The following CTNNA3 variants were observed in gnomAD, a reference collection of about 807,000 sequenced individuals.
CTNNA3 encodes the protein catenin alpha 3.
In CTNNA3, 76 loss-of-function variants were observed where a neutral mutation model predicts 95.7. The ratio of observed to expected loss-of-function variants is 0.79; its 90% CI spans 0.66 to 0.96. The LOEUF (loss-of-function observed/expected upper bound fraction) is 0.96. Among genes scored for constraint, CTNNA3 ranks in the 40% least tolerant of loss-of-function variants. The probability of loss-of-function intolerance (pLI) is 0.00; values close to 1 mark genes in which losing one functional copy is unlikely to be tolerated. For missense variants in CTNNA3, 1,191 were observed against 1,089.8 expected (o/e 1.09, Z -1.31); for synonymous variants, 431 against 374.4 (o/e 1.15, Z -1.74).
chr10:66,027,129 G>A (rs1426398938), intron 15 of CTNNA3, among the ~76,000 whole-genome samples: 1 of 152,026 alleles, frequency 6.6e-6, no homozygotes, highest in Non-Finnish European at 1.5e-5. Context: ...TGAAAAATCA[G>A]TTCTGAGTTT....
At chr10:66,221,092 C>G (rs1165962364) in intron 13 of CTNNA3, among the ~76,000 whole-genome samples, 1 of 152,122 alleles carries the variant, frequency 6.6e-6, no homozygotes, top group Non-Finnish European at 1.5e-5. Context: ...AAGTGTGTCT[C>G]CTATACTATT....
intron 13 of CTNNA3, among the ~76,000 whole-genome samples, chr10:66,272,038 T>A (rs1188445532): frequency 1.3e-5 from 2 of 152,118 alleles, no homozygotes; most frequent in Admixed American, 6.5e-5. Flanking sequence ...CGTTCCAAGG[T>A]TTCCCTACCT....
intron 13 of CTNNA3, among the ~76,000 whole-genome samples, chr10:66,243,941 T>C (rs921446623): frequency 6.6e-6 from 1 of 152,122 alleles, no homozygotes; most frequent in African/African-American, 2.4e-5. Context: ...GCACCAAGTG[T>C]GCTCTCGAGG....
intron 5 of CTNNA3, among the ~76,000 whole-genome samples, chr10:67,317,558 T>C (rs565664883): frequency 1.2e-4 from 18 of 152,206 alleles, no homozygotes; most frequent in Admixed American, 8.5e-4. Flanking sequence ...CCCAAGTAGC[T>C]GGGACTACAG....
At chr10:67,432,924 T>C (rs1248930324) in intron 5 of CTNNA3, among the ~76,000 whole-genome samples, 6 of 152,022 alleles carry the variant, frequency 3.9e-5, no homozygotes. Flanking sequence ...GAGTTTTTTC[T>C]ACAATTTTTC....
At chr10:66,548,963 T>C (rs1842124999) in intron 10 of CTNNA3, among the ~76,000 whole-genome samples, 1 of 150,206 alleles carries the variant, frequency 6.7e-6, no homozygotes, top group Admixed American at 6.7e-5. Flanking sequence ...GCTTAAAATA[T>C]GACTTGCCTT....
At chr10:66,160,693 G>C (rs1280337652) in intron 13 of CTNNA3, among the ~76,000 whole-genome samples, 1 of 152,076 alleles carries the variant, frequency 6.6e-6, no homozygotes, top group African/African-American at 2.4e-5. Flanking sequence ...TATCTGTTAA[G>C]TCATTTGTTC....
intron 2 of CTNNA3, among the ~76,000 whole-genome samples, chr10:67,636,349 C>A (rs1200614740): frequency 6.6e-6 from 1 of 152,156 alleles, no homozygotes; most frequent in African/African-American, 2.4e-5. Flanking sequence ...CAAAAAACAG[C>A]TCAAATAGCC....
intron 13 of CTNNA3, among the ~76,000 whole-genome samples, chr10:66,239,553 C>T (rs1043604975): frequency 6.6e-6 from 1 of 151,942 alleles, no homozygotes; most frequent in African/African-American, 2.4e-5. Context: ...AACAAAAGCA[C>T]TTTATCATCA....
At chr10:66,393,476 C>T (rs1334586619) in intron 11 of CTNNA3, among the ~76,000 whole-genome samples, 1 of 152,098 alleles carries the variant, frequency 6.6e-6, no homozygotes, top group Non-Finnish European at 1.5e-5. Flanking sequence ...TAAATAAGCA[C>T]TGTTCAGCTT....
At chr10:67,327,135 A>G (rs1170751448) in intron 5 of CTNNA3, among the ~76,000 whole-genome samples, 1 of 152,152 alleles carries the variant, frequency 6.6e-6, no homozygotes, top group Non-Finnish European at 1.5e-5. Context: ...TCATTTTATC[A>G]TGATTTTTAG....
At chr10:66,841,004 T>C (rs984905951) in intron 7 of CTNNA3, among the ~76,000 whole-genome samples, 24 of 152,200 alleles carry the variant, frequency 1.6e-4, no homozygotes, top group Non-Finnish European at 5.9e-5. Context: ...TGTTCTATGA[T>C]ATATATTCAG....
intron 5 of CTNNA3, among the ~76,000 whole-genome samples, chr10:67,364,984 G>A (rs905732677): frequency 1.3e-5 from 2 of 152,090 alleles, no homozygotes; most frequent in African/African-American, 4.8e-5. Flanking sequence ...ATACTACAAG[G>A]CTACAGTAAC....
chr10:67,647,146 TTA>T lies in CTNNA3; in HGVS notation c.99+267_99+268del, dbSNP rs67324505. Among the ~76,000 whole-genome samples, 60,024 of 135,712 alleles carry T rather than the reference TTA, an allele frequency of 0.44. 15,494 individuals carry two copies. The highest frequency in any genetic ancestry group is 0.6 in the Middle Eastern group (158 of 262). 89.0% of individuals were successfully genotyped at this position (135,712 alleles called of 152,430 possible). A position where few individuals can be genotyped will look rare whatever the true frequency, so the allele number is the denominator to read the frequency against. ...AATTTATATAAAGGTACTCTGAAAA[TTA>T]TATATATATATATATATATATATAT... On this transcript the variant is annotated intron_variant, in intron 2 of 17. Coordinates refer to ENST00000433211, the MANE Select transcript of CTNNA3 (RefSeq NM_013266.4).
At chr10:66,857,650 A>C (rs556811682) in intron 7 of CTNNA3, among the ~76,000 whole-genome samples, 2 of 151,794 alleles carry the variant, frequency 1.3e-5, no homozygotes, top group South Asian at 4.2e-4. Context: ...ATTCCTAGGT[A>C]TTTTATTGTT....
intron 7 of CTNNA3, among the ~76,000 whole-genome samples, chr10:67,011,276 G>T (rs1414120839): frequency 6.6e-6 from 1 of 151,702 alleles, no homozygotes; most frequent in Non-Finnish European, 1.5e-5. Context: ...AGCAGACGGA[G>T]GTTGCAGTGA....
intron 15 of CTNNA3, among the ~76,000 whole-genome samples, chr10:66,049,590 T>C (rs2079905543): frequency 2.0e-5 from 3 of 152,156 alleles, no homozygotes; most frequent in African/African-American, 7.2e-5. Context: ...GGTACATACA[T>C]AATACGTCAT....
chr10:67,173,756 C>G (rs1862116808), intron 7 of CTNNA3, among the ~76,000 whole-genome samples: 1 of 152,168 alleles, frequency 6.6e-6, no homozygotes, highest in Non-Finnish European at 1.5e-5. Flanking sequence ...ATGTAACAAA[C>G]AACTCTGAGT....
chr10:65,934,924 A>G (rs2077312102), intron 17 of CTNNA3, among the ~76,000 whole-genome samples: 1 of 152,118 alleles, frequency 6.6e-6, no homozygotes, highest in African/African-American at 2.4e-5. Context: ...TTAGTAGTGC[A>G]GAACTCAAAA....
Sources: gnomAD v4.1 joint callset for allele counts (sites outside exome capture counted in the v4.1 genomes callset) on GRCh38, gnomAD v4.1.1 for gene constraint, MANE v1.5 for transcripts, NCBI Gene and HGNC (gene_info 2026-07-23, HGNC 2026-07-21) for gene names.